The following SGCZ variants were observed in gnomAD, a reference collection of about 807,000 sequenced individuals.
SGCZ encodes sarcoglycan zeta.
In SGCZ, 40 loss-of-function variants were observed where a neutral mutation model predicts 41.3. The ratio of observed to expected loss-of-function variants is 0.97; its 90% CI spans 0.75 to 1.26. The LOEUF (loss-of-function observed/expected upper bound fraction) is 1.26, where lower values mean the gene tolerates loss of function less well. Among genes scored for constraint, SGCZ ranks in the 50% most tolerant of loss-of-function variants. The pLI is 0.00. For synonymous variants in SGCZ, 206 were observed against 137.5 expected, an observed-to-expected ratio of 1.50 and a Z score of -3.49; for missense variants, 552 against 369.8, an observed-to-expected ratio of 1.49 and a Z score of -4.04.
At chr8:14,423,242 G>C (rs1157280290) in intron 2 of SGCZ, among the ~76,000 whole-genome samples, 2 of 151,716 alleles carry the variant, frequency 1.3e-5, no homozygotes, top group Non-Finnish European at 2.9e-5. Flanking sequence ...CAGCACACCA[G>C]CATGGCACAT....
intron 1 of SGCZ, among the ~76,000 whole-genome samples, chr8:15,197,443 T>C (rs1358189967): frequency 6.6e-6 from 1 of 152,140 alleles, no homozygotes; most frequent in Non-Finnish European, 1.5e-5. Flanking sequence ...AAGCACAAAT[T>C]CAAAGCATAA....
chr8:14,722,030 G>A (rs982469741), intron 1 of SGCZ, among the ~76,000 whole-genome samples: 24 of 152,134 alleles, frequency 1.6e-4, no homozygotes, highest in African/African-American at 5.3e-4. Context: ...ATCTTCTTTT[G>A]AATGTCATCT....
intron 4 of SGCZ, among the ~76,000 whole-genome samples, chr8:14,229,227 A>T (rs1006360878): frequency 1.3e-5 from 2 of 152,146 alleles, no homozygotes; most frequent in African/African-American, 4.8e-5. Flanking sequence ...GACACAAACA[A>T]TGAGCATCTC....
chr8:14,941,834 G>T (rs1005464546), intron 1 of SGCZ, among the ~76,000 whole-genome samples: 2 of 151,162 alleles, frequency 1.3e-5, no homozygotes, highest in Non-Finnish European at 3.0e-5. Flanking sequence ...TATATTGCAT[G>T]TTATATATGT....
At chr8:14,234,800 T>G (rs1806696886) in intron 4 of SGCZ, among the ~76,000 whole-genome samples, 1 of 152,160 alleles carries the variant, frequency 6.6e-6, no homozygotes, top group African/African-American at 2.4e-5. Context: ...GTCTTCAAAC[T>G]CTACATAAAG....
chr8:15,052,607 G>A (rs1022256855), intron 1 of SGCZ, among the ~76,000 whole-genome samples: 3 of 152,030 alleles, frequency 2.0e-5, no homozygotes, highest in South Asian at 2.1e-4. Context: ...TCGTCATGTG[G>A]AGATGTTCCC....
intron 7 of SGCZ, among the ~76,000 whole-genome samples, chr8:14,098,103 A>G (rs906415091): frequency 6.6e-6 from 1 of 152,174 alleles, no homozygotes; most frequent in Admixed American, 6.6e-5. Flanking sequence ...TACACCTTCT[A>G]CATAACACAA....
intron 3 of SGCZ, among the ~76,000 whole-genome samples, chr8:14,273,464 T>A (rs1340117377): frequency 6.6e-6 from 1 of 152,086 alleles, no homozygotes; most frequent in Admixed American, 6.6e-5. Flanking sequence ...CTCCTCACAC[T>A]CTCCCTAAAC....
intron 2 of SGCZ, among the ~76,000 whole-genome samples, chr8:14,544,493 G>A (rs1385156867): frequency 1.3e-5 from 2 of 152,084 alleles, no homozygotes; most frequent in African/African-American, 4.8e-5. Flanking sequence ...GTGCAAGTAG[G>A]AGAGATATTG....
At chr8:14,144,192 C>A (rs1392540627) in intron 5 of SGCZ, among the ~76,000 whole-genome samples, 2 of 152,146 alleles carry the variant, frequency 1.3e-5, no homozygotes, top group East Asian at 1.9e-4. Context: ...CGTCCCATAA[C>A]CCTAGGCTGC....
chr8:15,046,794 A>G (rs1297218921), intron 1 of SGCZ, among the ~76,000 whole-genome samples: 1 of 152,064 alleles, frequency 6.6e-6, no homozygotes. Flanking sequence ...TAATACTGCC[A>G]AAACCAATCT....
At position 15,162,883 on chromosome 8, in the gene SGCZ, T is replaced by A. The variant is rs1799554944; in HGVS notation, c.39+74702A>T. ...TACAATAGCAAGGAAATCATGAAAC[T>A]GCAGAAACAGTCTAAATAACTGAGA... On this transcript the variant is annotated intron_variant, in intron 1 of 7. Transcript: ENST00000382080. Among the ~76,000 whole-genome samples the A allele has an allele frequency of 2.0e-5, 3 of 152,206 alleles. No homozygotes were observed. The South Asian group carries it at 6.2e-4, about 31-fold the overall frequency.
At chr8:14,707,772 A>G (rs1440145594) in intron 1 of SGCZ, among the ~76,000 whole-genome samples, 2 of 152,292 alleles carry the variant, frequency 1.3e-5, no homozygotes, top group South Asian at 2.1e-4. Context: ...GCCTTGGACC[A>G]TGTCTCATTC....
intron 1 of SGCZ, among the ~76,000 whole-genome samples, chr8:14,601,938 G>A (rs1805602142): frequency 6.6e-6 from 1 of 152,044 alleles, no homozygotes; most frequent in Non-Finnish European, 1.5e-5. Context: ...GGCTAACACG[G>A]TGAAACCCCG....
chr8:14,420,305 A>G (rs1277009648), intron 2 of SGCZ, among the ~76,000 whole-genome samples: 1 of 152,048 alleles, frequency 6.6e-6, no homozygotes, highest in African/African-American at 2.4e-5. Context: ...TTTATATTAT[A>G]ACTTACTCAA....
At chr8:14,174,268 G>A (rs1323241475) in intron 4 of SGCZ, among the ~76,000 whole-genome samples, 1 of 152,040 alleles carries the variant, frequency 6.6e-6, no homozygotes, top group Non-Finnish European at 1.5e-5. Context: ...ATTGCATAAC[G>A]ATAGAAAATA....
chr8:14,258,604 T>A (rs989067984), intron 3 of SGCZ, among the ~76,000 whole-genome samples: 29 of 152,314 alleles, frequency 1.9e-4, no homozygotes, highest in Admixed American at 1.8e-3. Flanking sequence ...ATTGAAAATT[T>A]ATCTATATAT....
intron 2 of SGCZ, among the ~76,000 whole-genome samples, chr8:14,334,743 C>A (rs1802453502): frequency 6.6e-6 from 1 of 152,144 alleles, no homozygotes; most frequent in African/African-American, 2.4e-5. Context: ...GAAAACGAAG[C>A]CATCTGAACA....
chr8:15,129,229 A>G (rs1223893831), intron 1 of SGCZ, among the ~76,000 whole-genome samples: 2 of 152,108 alleles, frequency 1.3e-5, no homozygotes, highest in African/African-American at 4.8e-5. Context: ...TTTGTCTCGC[A>G]CTACCCCTAA....
Sources: allele counts gnomAD v4.1 joint callset (sites outside exome capture counted in the v4.1 genomes callset), GRCh38; gene constraint gnomAD v4.1.1; transcripts MANE v1.5; gene names NCBI Gene and HGNC (gene_info 2026-07-23, HGNC 2026-07-21).